SIRT5: variants seen among roughly 807,000 people sequenced by gnomAD.
SIRT5 encodes the protein sirtuin 5.
A neutral mutation model predicts 40.0 loss-of-function variants in SIRT5; 26 were observed. That is an observed-to-expected ratio of 0.65 (90% CI 0.48 to 0.90). SIRT5 has a LOEUF of 0.90. Ranked by LOEUF, SIRT5 falls within the 40% of genes least tolerant of loss-of-function variation. The pLI is 0.00. For missense variants in SIRT5, 401 were observed against 402.4 expected, an observed-to-expected ratio of 1.00 and a Z score of 0.03; for synonymous variants, 146 against 149.1, an observed-to-expected ratio of 0.98 and a Z score of 0.15.
At chr6:13,586,767 A>G (rs1372302814) in intron 3 of SIRT5, among the ~76,000 whole-genome samples, 2 of 152,306 alleles carry the variant, frequency 1.3e-5, no homozygotes, top group East Asian at 1.9e-4. Flanking sequence ...TAGGCTGGGC[A>G]TAGTGTGTGG....
rs1011186189 is a variant in SIRT5 at position 13,614,942 on chromosome 6, A to G, written c.*3077A>G. 1 of 178,874 alleles carries G rather than the reference A, an allele frequency of 5.6e-6. No homozygotes were observed. The highest frequency in any genetic ancestry group is 2.4e-5 in the African/African-American group (1 of 42,380). 11.1% of individuals were successfully genotyped at this position (178,874 alleles called of 1,614,324 possible). On this transcript the variant is annotated 3_prime_UTR_variant, in exon 10 of 10. Transcript: ENST00000606117. ...CAGCCAAATCTACACAAAGACTGAC[A>G]AGCTGGATCCACTCGACGGAACCCA... is the stretch of plus-strand genomic sequence containing the variant.
At chr6:13,590,119 TA>T (rs1210038431) in intron 4 of SIRT5, among the ~76,000 whole-genome samples, 3 of 152,214 alleles carry the variant, frequency 2.0e-5, no homozygotes, top group Admixed American at 6.5e-5. Flanking sequence ...TATTTCTTTT[TA>T]AAATTAATGT....
chr6:13,590,443 G>T (rs1760706450), intron 4 of SIRT5, among the ~76,000 whole-genome samples: 1 of 152,116 alleles, frequency 6.6e-6, no homozygotes, highest in Non-Finnish European at 1.5e-5. Context: ...GTGTTTAGTT[G>T]TGTGTGTAGT....
chr6:13,578,388 A>C (rs1758888564), intron 1 of SIRT5, among the ~76,000 whole-genome samples: 1 of 152,076 alleles, frequency 6.6e-6, no homozygotes, highest in African/African-American at 2.4e-5. Flanking sequence ...TGGGAGGCCG[A>C]GGCAGGCGGA....
rs1287740302 is a variant in SIRT5, at chr6:13,596,851, T to G, written c.564-112T>G. On this transcript the variant is annotated intron_variant, in intron 6 of 9. Transcript: ENST00000606117. ...CCCTTCCAAGTGAGCATGTATTAAT[T>G]AGGAGTTTTATACCACATACTGCCA... 6.5e-6 allele frequency: 5 copies of G among 765,578 alleles called. No homozygotes were observed. The African/African-American group carries it at 8.9e-5, about 14-fold the overall frequency. 47.4% of individuals were successfully genotyped at this position (765,578 alleles called of 1,614,324 possible).
Position 13,613,677 on chromosome 6 carries a change from G to C in SIRT5, c.*1812G>C, listed in dbSNP as rs1481923511. On this transcript the variant is annotated 3_prime_UTR_variant, in exon 10 of 10. Transcript: ENST00000606117. Reference sequence around the variant, plus strand: ...TGGGGCGGCTGGAGAACCAGTCAGGGACCCTGAGGGCTCGATGTACACTTT... The same window carrying C: ...TGGGGCGGCTGGAGAACCAGTCAGGCACCCTGAGGGCTCGATGTACACTTT... The C allele has an allele frequency of 2.0e-5, 3 of 152,186 alleles. No individual in the cohort carries two copies. Among genetic ancestry groups the C allele is most frequent in the African/African-American group, 4.8e-5 (2 of 41,420 alleles). The allele number at this position is 152,186 out of a possible 1,614,324, so 9.4% of individuals were successfully genotyped here.
In SIRT5 at chr6:13,611,896, A is replaced by G. The variant is rs1763982081; in HGVS notation, c.*31A>G. On this transcript the variant is annotated 3_prime_UTR_variant, in exon 10 of 10. Coordinates refer to ENST00000606117, the MANE Select transcript of SIRT5 (RefSeq NM_012241.5). ...CTGGGGAAGAAAGAAATTACAGTATATCTAAGAACTAGGCCACACGCAGAG... is the reference window on the plus strand; with the variant it reads ...CTGGGGAAGAAAGAAATTACAGTATGTCTAAGAACTAGGCCACACGCAGAG... The G allele has an allele frequency of 1.9e-6, 3 of 1,606,328 alleles. No homozygotes were observed. The highest frequency in any genetic ancestry group is 2.6e-6 in the Non-Finnish European group (3 of 1,173,230).
intron 5 of SIRT5, among the ~76,000 whole-genome samples, chr6:13,594,883 ATTAC>A (rs1337993696): frequency 6.6e-6 from 1 of 152,254 alleles, no homozygotes; most frequent in Non-Finnish European, 1.5e-5. Flanking sequence ...TTATTAGTTG[ATTAC>A]TTATTTATTG....
chr6:13,594,964 C>T (rs772628524), intron 5 of SIRT5, among the ~76,000 whole-genome samples: 3 of 152,212 alleles, frequency 2.0e-5, no homozygotes, highest in Non-Finnish European at 4.4e-5. Context: ...ACATATCCCA[C>T]GCCATTGAAC....
At position 13,579,403 on chromosome 6, in the gene SIRT5, A is replaced by T. The variant is rs200250617; in HGVS notation, c.-194-48A>T. On this transcript the variant is annotated intron_variant, in intron 1 of 9. Transcript: ENST00000606117. ...TTACAATCCTACCTTCATGCCTGAT[A>T]AAAAAAAATGACAGTTTATTCAGTA... 23 of 151,650 alleles carry T rather than the reference A, an allele frequency of 1.5e-4. No homozygotes were observed. The East Asian group carries it at 1.5e-3, about 10-fold the overall frequency. The allele number at this position is 151,650 out of a possible 1,614,324, so 9.4% of individuals were successfully genotyped here.
intron 4 of SIRT5, among the ~76,000 whole-genome samples, chr6:13,589,775 TAGC>T (rs887561879): frequency 3.7e-4 from 57 of 152,230 alleles, no homozygotes; most frequent in African/African-American, 1.3e-3. Context: ...TTCCCTGGAT[TAGC>T]AGCAGCAGAG....
intron 9 of SIRT5, among the ~76,000 whole-genome samples, chr6:13,610,587 A>C (rs1763704748): frequency 6.6e-6 from 1 of 152,152 alleles, no homozygotes; most frequent in Non-Finnish European, 1.5e-5. Flanking sequence ...TGCTTTTGTA[A>C]GGCGGAAGAA....
chr6:13,599,281 T>C, intron 8 of SIRT5, 126 bp downstream of exon 8: 1 of 987,340 alleles, frequency 1.0e-6, no homozygotes, highest in Non-Finnish European at 1.4e-6. Context: ...TCCCTCCATT[T>C]CTTCCTTTCC....
At chr6:13,611,239 AC>A (rs1763863967) in intron 9 of SIRT5, among the ~76,000 whole-genome samples, 1 of 67,064 alleles carries the variant, frequency 1.5e-5, no homozygotes, top group African/African-American at 6.4e-5. Flanking sequence ...ATATATATAC[AC>A]ACACACATAC....
At chr6:13,610,272 T>C (rs1040278874) in intron 9 of SIRT5, among the ~76,000 whole-genome samples, 5 of 152,140 alleles carry the variant, frequency 3.3e-5, no homozygotes, top group African/African-American at 9.7e-5. Context: ...TGCCCAGCCA[T>C]GAAAGAAATT....
intron 7 of SIRT5, 123 bp from the exon 8 acceptor site, chr6:13,598,909 G>A: frequency 9.4e-7 from 1 of 1,060,662 alleles, no homozygotes; most frequent in South Asian, 1.7e-5. Flanking sequence ...GGAGGGTGTA[G>A]GGAATAAGAG....
chr6:13,602,744 C>T (rs1197190327), intron 9 of SIRT5, among the ~76,000 whole-genome samples: 2 of 152,112 alleles, frequency 1.3e-5, no homozygotes, highest in African/African-American at 2.4e-5. Flanking sequence ...AAAGAATAAG[C>T]TTGGACCCCT....
chr6:13,604,503 TATTATA>T (rs2127719047), intron 9 of SIRT5: 1 of 1,577,458 alleles, frequency 6.3e-7, no homozygotes, highest in African/African-American at 1.4e-5. Flanking sequence ...CATCTCTAAT[TATTATA>T]AAGAATTAAA....
At position 13,613,966 on chromosome 6, in the gene SIRT5, G is replaced by C. The variant is rs1412852748; in HGVS notation, c.*2101G>C. 1 of 152,054 alleles carries C rather than the reference G, an allele frequency of 6.6e-6. No individual in the cohort carries two copies. The highest frequency in any genetic ancestry group is 1.5e-5 in the Non-Finnish European group (1 of 68,012). The allele number at this position is 152,054 out of a possible 1,614,324, so 9.4% of individuals were successfully genotyped here. On this transcript the variant is annotated 3_prime_UTR_variant, in exon 10 of 10. Coordinates refer to ENST00000606117, the MANE Select transcript of SIRT5 (RefSeq NM_012241.5). ...CAATTCCTCTCATACTGAACCTCTG[G>C]TTCAGCAGCTTTTTTTGTTGTTGTT...
Sources: allele counts gnomAD v4.1 joint callset (sites outside exome capture counted in the v4.1 genomes callset), GRCh38; gene constraint gnomAD v4.1.1; transcripts MANE v1.5; gene names NCBI Gene and HGNC (gene_info 2026-07-23, HGNC 2026-07-21).